TPCN2: variants seen among roughly 807,000 people sequenced by gnomAD.
TPCN2 encodes two pore segment channel 2.
A neutral mutation model predicts 111.4 loss-of-function variants in TPCN2; 92 were observed. That is an observed-to-expected ratio of 0.83 (90% CI 0.70 to 0.98). The LOEUF (loss-of-function observed/expected upper bound fraction) is 0.98, where lower values mean the gene tolerates loss of function less well. Among genes scored for constraint, TPCN2 ranks in the 50% least tolerant of loss-of-function variants. The pLI is 0.00. For synonymous variants in TPCN2, 405 were observed against 414.5 expected, an observed-to-expected ratio of 0.98 and a Z score of 0.28; for missense variants, 995 against 980.1, an observed-to-expected ratio of 1.02 and a Z score of -0.20.
chr11:69,074,574 G>A (rs1254785363), intron 13 of TPCN2, among the ~76,000 whole-genome samples: 1 of 121,030 alleles, frequency 8.3e-6, no homozygotes, highest in African/African-American at 2.9e-5. Context: ...GCTGTTTGGG[G>A]CTCAGGAAGC....
intron 4 of TPCN2, among the ~76,000 whole-genome samples, chr11:69,055,678 T>C (rs1854729510): frequency 6.6e-6 from 1 of 151,492 alleles, no homozygotes; most frequent in Non-Finnish European, 1.5e-5. Flanking sequence ...TCAGCTCTCC[T>C]CCCTCTCCAC....
intron 8 of TPCN2, among the ~76,000 whole-genome samples, chr11:69,068,959 T>G (rs374846678): frequency 3.7e-3 from 12 of 3,238 alleles, no homozygotes; most frequent in African/African-American, 5.3e-3. Flanking sequence ...CCTAGGAAGT[T>G]ACCGCACTGG....
In TPCN2 at chr11:69,087,180, C is replaced by T. The variant is rs1413291405; in HGVS notation, c.2154C>T (p.Tyr718=). Residue 718 remains tyrosine (Y), a synonymous_variant, in exon 24 of 25, where the codon TAC becomes TAT. Coordinates refer to ENST00000294309, the MANE Select transcript of TPCN2 (RefSeq NM_139075.4). ...QPLAGTPEAT[Y]QMTVELLFRD... Reference sequence around the variant, plus strand: ...TTGCTGGGACCCCAGAGGCCACCTACCAGATGACTGTGGAGCTCCTGTTCA... The same window carrying T: ...TTGCTGGGACCCCAGAGGCCACCTATCAGATGACTGTGGAGCTCCTGTTCA... The T allele has an allele frequency of 6.2e-7, 1 of 1,613,930 alleles. No individual in the cohort carries two copies. Among genetic ancestry groups the T allele is most frequent in the Non-Finnish European group, 8.5e-7 (1 of 1,179,870 alleles).
intron 1 of TPCN2, among the ~76,000 whole-genome samples, chr11:69,051,249 C>G (rs561943632): frequency 6.6e-6 from 1 of 152,356 alleles, no homozygotes; most frequent in South Asian, 2.1e-4. Flanking sequence ...AGGTTGAGAA[C>G]AGTTGTTTTC....
At chr11:69,061,910 G>T (rs1267864248) in intron 5 of TPCN2, among the ~76,000 whole-genome samples, 3 of 152,090 alleles carry the variant, frequency 2.0e-5, no homozygotes, top group Non-Finnish European at 4.4e-5. Context: ...AGGCAGGGAA[G>T]ATGGGGATAT....
rs761126936 is a variant in TPCN2 at position 69,078,796 on chromosome 11, A to G, written c.1410+3A>G. On this transcript the variant is annotated splice_donor_region_variant and intron_variant, in intron 15 of 24. Transcript: ENST00000294309. ...AGCGTGATGACTTCATCCTGGGGGT[A>G]AGTTCTGAGCTGTCCACCTGTCAGG... 40 of 1,613,898 alleles carry G rather than the reference A, an allele frequency of 2.5e-5. No individual in the cohort carries two copies. In the East Asian group the frequency reaches 3.8e-4, roughly 15 times the overall value.
intron 6 of TPCN2, among the ~76,000 whole-genome samples, chr11:69,063,274 G>A (rs1855105082): frequency 6.6e-6 from 1 of 152,070 alleles, no homozygotes; most frequent in East Asian, 2.0e-4. Context: ...TCTCTCCGAT[G>A]GGTCTCCTCT....
At chr11:69,064,951 G>A (rs1161570562) in intron 7 of TPCN2, among the ~76,000 whole-genome samples, 1 of 126,138 alleles carries the variant, frequency 7.9e-6, no homozygotes, top group Non-Finnish European at 1.8e-5. Flanking sequence ...TTGTATGTGT[G>A]CATGTGTAGT....
rs139311138 is a variant in TPCN2 at position 69,078,487 on chromosome 11, G to T, written c.1236G>T (p.Pro412=). Residue 412 remains proline, a synonymous_variant, in exon 14 of 25, where the codon CCG becomes CCT. Transcript: ENST00000294309. ...ELDRSVVKEH[P]PRPEYQSPFL... is the part of the protein sequence containing the mutation. Reference sequence around the variant, plus strand: ...CACGTGTGTTCCTTGCCCAGCACCCGCCGAGGCCCGAGTACCAGTCTCCGT... The same window carrying T: ...CACGTGTGTTCCTTGCCCAGCACCCTCCGAGGCCCGAGTACCAGTCTCCGT... 4.3e-6 allele frequency: 7 copies of T among 1,614,030 alleles called. No individual in the cohort carries two copies. The South Asian group carries it at 7.7e-5, about 18-fold the overall frequency.
At chr11:69,082,355 C>T (rs1856051210) in intron 18 of TPCN2, among the ~76,000 whole-genome samples, 1 of 152,254 alleles carries the variant, frequency 6.6e-6, no homozygotes, top group Non-Finnish European at 1.5e-5. Flanking sequence ...CACACATGAT[C>T]ATACACAGTC....
chr11:69,079,734 T>G (rs1565093087), intron 16 of TPCN2, 100 bp from the exon 17 acceptor site: 6 of 1,135,050 alleles, frequency 5.3e-6, no homozygotes, highest in East Asian at 4.9e-5. Context: ...AAGCCCCTTT[T>G]GGGGAGAATG....
rs1357118815 is a variant in TPCN2, at chr11:69,087,175, A to AC, written c.2151dup (p.Tyr718LeufsTer20). The AC allele has an allele frequency of 2.5e-6, 4 of 1,613,866 alleles. No individual in the cohort carries two copies. The highest frequency in any genetic ancestry group is 2.2e-5 in the East Asian group (1 of 44,866). On this transcript the variant is annotated frameshift_variant, in exon 24 of 25. Transcript: ENST00000294309. LOFTEE classifies it high-confidence loss of function. Reference sequence around the variant, plus strand: ...GCCCCTTGCTGGGACCCCAGAGGCCACCTACCAGATGACTGTGGAGCTCCT... The same window carrying AC: ...GCCCCTTGCTGGGACCCCAGAGGCCACCCTACCAGATGACTGTGGAGCTCCT...
intron 7 of TPCN2, among the ~76,000 whole-genome samples, chr11:69,065,647 C>A (rs750288635): frequency 6.6e-6 from 1 of 152,188 alleles, no homozygotes; most frequent in Admixed American, 6.5e-5. Flanking sequence ...CTGGGTGCAG[C>A]GGCCGCCTTG....
intron 8 of TPCN2, among the ~76,000 whole-genome samples, 155 bp downstream of exon 8, chr11:69,067,760 T>C (rs1209224938): frequency 1.3e-5 from 2 of 152,156 alleles, no homozygotes; most frequent in Admixed American, 6.5e-5. Flanking sequence ...CCTCCCCTTC[T>C]TTTCCTATCT....
intron 1 of TPCN2, among the ~76,000 whole-genome samples, chr11:69,050,918 G>T (rs1861198167): frequency 1.3e-5 from 2 of 152,278 alleles, no homozygotes; most frequent in South Asian, 4.1e-4. Flanking sequence ...AGCGCTCTTT[G>T]TCCCTATGCT....
chr11:69,073,111 A>C, intron 13 of TPCN2, 110 bp downstream of exon 13: 1 of 774,442 alleles, frequency 1.3e-6, no homozygotes, highest in South Asian at 1.6e-5. Context: ...TTCACCTGCC[A>C]GGGATCCTGG....
chr11:69,078,332 G>A, intron 13 of TPCN2, 150 bp from the exon 14 acceptor site: 1 of 1,005,456 alleles, frequency 9.9e-7, no homozygotes, highest in East Asian at 2.6e-5. Flanking sequence ...CGATTTCTGT[G>A]TCTGGGATTA....
intron 4 of TPCN2, among the ~76,000 whole-genome samples, chr11:69,056,285 C>T (rs1441093197): frequency 6.6e-6 from 1 of 152,162 alleles, no homozygotes; most frequent in Admixed American, 6.5e-5. Flanking sequence ...GTGGGCAGGG[C>T]GGGCTGTGTG....
chr11:69,081,223 G>A (rs887685941), intron 17 of TPCN2, among the ~76,000 whole-genome samples, 177 bp from the exon 18 acceptor site: 2 of 152,096 alleles, frequency 1.3e-5, no homozygotes, highest in African/African-American at 2.4e-5. Context: ...AGTAGCCCAG[G>A]CCCCGCCCTC....
Sources: allele counts gnomAD v4.1 joint callset (sites outside exome capture counted in the v4.1 genomes callset), GRCh38; gene constraint gnomAD v4.1.1; transcripts MANE v1.5; gene names NCBI Gene and HGNC (gene_info 2026-07-23, HGNC 2026-07-21).